ZNF91: variants seen among roughly 807,000 people sequenced by gnomAD.
The protein encoded by ZNF91 is zinc finger protein 91 (HPF7, HTF10).
Under a neutral mutation model 12.6 loss-of-function variants are expected in ZNF91, and 7 were observed. The observed-to-expected ratio is 0.55, with a 90% CI of 0.31 to 1.04. ZNF91 has a LOEUF of 1.04. Ranked by LOEUF, ZNF91 falls within the 50% of genes least tolerant of loss-of-function variation. The pLI, the probability that ZNF91 is intolerant of heterozygous loss-of-function variation, is 0.05. For synonymous variants in ZNF91, 453 were observed against 462.6 expected (o/e 0.98, Z 0.27); for missense variants, 1,217 against 1,385.4 (o/e 0.88, Z 1.93).
At chr19:23,392,224 C>T (rs866472014) in intron 1 of ZNF91, among the ~76,000 whole-genome samples, 18 of 151,424 alleles carry the variant, frequency 1.2e-4, no homozygotes, top group Admixed American at 8.6e-4. Context: ...GGTGAAACCC[C>T]GCCTCTACTA....
At chr19:23,308,365 A>C (rs1019736747) in intron 2 of ZNF91, 5 of 152,198 alleles carry the variant, frequency 3.3e-5, no homozygotes, top group Non-Finnish European at 7.3e-5. Flanking sequence ...GCATTTTGAC[A>C]TATCTCTGGC....
chr19:23,356,466 G>A (rs1481594208), downstream of ZNF91, among the ~76,000 whole-genome samples: 1 of 152,092 alleles, frequency 6.6e-6, no homozygotes, highest in Non-Finnish European at 1.5e-5. Context: ...GGATGAGATT[G>A]GAGACTATTA....
At position 23,344,141 on chromosome 19, in the gene ZNF91, C is replaced by CT. The variant is rs1968173904; in HGVS notation, c.254-5088dup. On this transcript the variant is annotated intron_variant, in intron 3 of 3. Coordinates refer to the ZNF91 transcript ENST00000599743. Reference sequence around the variant, plus strand: ...ATGGAGTCTCGTTCTGTCACCCAGGCTGGAGTGCAGTGGCGTGATCTTGGC... The same window carrying CT: ...ATGGAGTCTCGTTCTGTCACCCAGGCTTGGAGTGCAGTGGCGTGATCTTGGC... Among the ~76,000 whole-genome samples, 3 of 152,092 alleles carry CT rather than the reference C, an allele frequency of 2.0e-5. No individual in the cohort carries two copies. The South Asian group carries it at 6.2e-4, about 31-fold the overall frequency.
At chr19:23,377,081 T>C (rs1332189204) in intron 1 of ZNF91, among the ~76,000 whole-genome samples, 3 of 150,308 alleles carry the variant, frequency 2.0e-5, no homozygotes, top group African/African-American at 4.9e-5. Flanking sequence ...AAGTTTCTCT[T>C]TTTTTTTTGT....
chr19:23,308,063 A>G (rs576701726), intron 2 of ZNF91: 1 of 152,338 alleles, frequency 6.6e-6, no homozygotes, highest in East Asian at 1.9e-4. Context: ...TCTTGCCAAA[A>G]TAGAAAATTG....
intron 3 of ZNF91, among the ~76,000 whole-genome samples, chr19:23,343,160 A>T (rs142525371): frequency 9.4e-4 from 143 of 152,324 alleles, no homozygotes; most frequent in Non-Finnish European, 1.6e-3. Flanking sequence ...TGAGTGCCAT[A>T]TTTACATTAT....
intron 1 of ZNF91, among the ~76,000 whole-genome samples, chr19:23,320,667 C>T (rs1315675531): frequency 1.3e-5 from 2 of 152,188 alleles, no homozygotes; most frequent in Non-Finnish European, 2.9e-5. Context: ...ATGGAGATTA[C>T]AATTGTAGAT....
chr19:23,374,917 G>C (rs1256719202), intron 1 of ZNF91, among the ~76,000 whole-genome samples, 153 bp from the exon 2 acceptor site: 1 of 152,120 alleles, frequency 6.6e-6, no homozygotes, highest in Non-Finnish European at 1.5e-5. Flanking sequence ...ACACACAAAC[G>C]TTTTGTAATG....
chr19:23,357,563 G>A (rs1424640659), downstream of ZNF91: 1 of 152,050 alleles, frequency 6.6e-6, no homozygotes, highest in Admixed American at 6.5e-5. Flanking sequence ...ATTCATCTTA[G>A]ACTAACAGAT....
chr19:23,365,299 A>C (rs1455002250), intron 3 of ZNF91, among the ~76,000 whole-genome samples: 1 of 68,892 alleles, frequency 1.5e-5, no homozygotes, highest in African/African-American at 9.7e-5. Flanking sequence ...CAGTTCTACA[A>C]AAAAAAAAAA....
downstream of ZNF91, among the ~76,000 whole-genome samples, chr19:23,355,636 C>G (rs564538521): frequency 5.9e-5 from 9 of 152,110 alleles, no homozygotes; most frequent in East Asian, 1.5e-3. Context: ...TTTTGCATGG[C>G]AAAAGGAACA....
At chr19:23,370,752 T>G (rs1283836552) in intron 3 of ZNF91, among the ~76,000 whole-genome samples, 2 of 152,178 alleles carry the variant, frequency 1.3e-5, no homozygotes, top group African/African-American at 4.8e-5. Flanking sequence ...GCAATCCTCC[T>G]GTCCTGGCCT....
At chr19:23,387,721 C>G (rs1241401799) in intron 1 of ZNF91, among the ~76,000 whole-genome samples, 1 of 152,014 alleles carries the variant, frequency 6.6e-6, no homozygotes, top group East Asian at 1.9e-4. Context: ...GGGTGGATCA[C>G]CTGAGGTCAG....
chr19:23,386,716 C>A (rs1969885235), intron 1 of ZNF91, among the ~76,000 whole-genome samples: 1 of 151,934 alleles, frequency 6.6e-6, no homozygotes, highest in Non-Finnish European at 1.5e-5. Context: ...GGAAGATAAC[C>A]AAAGAAATAC....
intron 1 of ZNF91, among the ~76,000 whole-genome samples, chr19:23,387,858 G>A (rs1438091346): frequency 6.8e-6 from 1 of 146,530 alleles, no homozygotes; most frequent in Non-Finnish European, 1.5e-5. Flanking sequence ...CAGGATAATT[G>A]CTTAAACCCG....
At chr19:23,376,960 T>G (rs1969525075) in intron 1 of ZNF91, among the ~76,000 whole-genome samples, 1 of 152,206 alleles carries the variant, frequency 6.6e-6, no homozygotes. Flanking sequence ...GTTTACCTAT[T>G]ACCACCACAC....
intron 3 of ZNF91, among the ~76,000 whole-genome samples, chr19:23,371,619 T>G (rs774998104): frequency 1.6e-4 from 25 of 152,238 alleles, no homozygotes; most frequent in Non-Finnish European, 2.9e-4. Context: ...AATGTAGAAC[T>G]GCAAGAAAAT....
chr19:23,362,291 C>T lies in ZNF91; in HGVS notation c.688G>A (p.Glu230Lys). ...TAGGGTTTATCTTCAGTATGAATTT[C>T]CTTATGATTAGTAAGGGTTGAGGAC... ...HWSSTLTNHKEIHTEDKPYKC... is the reference protein window; with the variant it reads ...HWSSTLTNHKKIHTEDKPYKC... Residue 230 changes from glutamate (E) to lysine (K), a missense_variant, in exon 4 of 4, where the codon GAA becomes AAA. Physicochemically the swap from Glu to Lys is moderately conservative, Grantham distance 56. Around this residue, in one of 2 missense-constraint regions of ZNF91, gnomAD observed 726 missense variants for 895.5 expected, o/e 0.81. Coordinates refer to ENST00000300619, the MANE Select transcript of ZNF91 (RefSeq NM_003430.4). 6.2e-7 allele frequency: 1 copy of T among 1,613,846 alleles called. No individual in the cohort carries two copies. The highest frequency in any genetic ancestry group is 8.5e-7 in the Non-Finnish European group (1 of 1,179,940).
intron 1 of ZNF91, chr19:23,328,702 T>C (rs1269866763): frequency 6.6e-6 from 1 of 152,200 alleles, no homozygotes; most frequent in Non-Finnish European, 1.5e-5. Context: ...AAGGCTAGTT[T>C]ATGAAAACTT....
Sources: allele counts gnomAD v4.1 joint callset (sites outside exome capture counted in the v4.1 genomes callset), GRCh38; gene constraint gnomAD v4.1.1; regional missense constraint gnomAD v4.1.1; transcripts MANE v1.5; gene names NCBI Gene and HGNC (gene_info 2026-07-23, HGNC 2026-07-21).